The following PSG7 variants were observed in gnomAD, a reference collection of about 807,000 sequenced individuals.
PSG7 encodes the protein pregnancy-specific beta-1-glycoprotein 7.
Under a neutral mutation model 45.6 loss-of-function variants are expected in PSG7, and 57 were observed. The observed-to-expected ratio is 1.25, with a 90% CI of 1.01 to 1.56. The LOEUF (loss-of-function observed/expected upper bound fraction) is 1.56. PSG7 is among the 40% of genes most tolerant of loss of function. The pLI is 0.00. For synonymous variants in PSG7, 298 were observed against 194.4 expected, an observed-to-expected ratio of 1.53 and a Z score of -4.43; for missense variants, 796 against 508.4, an observed-to-expected ratio of 1.57 and a Z score of -5.44.
chr19:42,926,222 C>A (rs1323610737), intron 4 of PSG7, 195 bp from the exon 5 acceptor site: 8 of 1,388,498 alleles, frequency 5.8e-6, no homozygotes, highest in Non-Finnish European at 7.7e-6. Flanking sequence ...CCCCAAGTCT[C>A]CCATGACAAG....
chr19:42,924,450 A>G lies in PSG7; in HGVS notation c.*358T>C. The stretch of plus-strand genomic sequence containing the variant: ...TGTTACCCTCAGAAGCTCCTATACT[A>G]CATGTGAAATTCTAATGACTGCATT... On this transcript the variant is annotated 3_prime_UTR_variant, in exon 6 of 6. Coordinates refer to ENST00000406070, the MANE Select transcript of PSG7 (RefSeq NM_002783.3). The G allele has an allele frequency of 1.9e-6, 1 of 532,726 alleles. No individual in the cohort carries two copies. Among genetic ancestry groups the G allele is most frequent in the Non-Finnish European group, 3.3e-6 (1 of 304,530 alleles). 33.0% of individuals were successfully genotyped at this position (532,726 alleles called of 1,614,324 possible). A position where few individuals can be genotyped will look rare whatever the true frequency, so the allele number is the denominator to read the frequency against.
rs1275385956 is a variant in PSG7 at position 42,926,789 on chromosome 19, G to T, written c.710-73C>A. ...CCTCCACAGGCATCCTTCAATTAGA[G>T]TTGGCATCTCCCACCTGTCAACACG... On this transcript the variant is annotated intron_variant, in intron 3 of 5. Coordinates refer to ENST00000406070, the MANE Select transcript of PSG7 (RefSeq NM_002783.3). 14 of 1,582,414 alleles carry T rather than the reference G, an allele frequency of 8.8e-6. No homozygotes were observed. The South Asian group carries it at 1.3e-4, about 14-fold the overall frequency.
intron 1 of PSG7, among the ~76,000 whole-genome samples, 184 bp downstream of exon 1, chr19:42,936,829 A>G (rs911255094): frequency 2.0e-5 from 3 of 151,268 alleles, no homozygotes; most frequent in Admixed American, 6.6e-5. Context: ...TTGTATTTTT[A>G]GTACAGACAG....
At position 42,935,766 on chromosome 19, in the gene PSG7, G is replaced by A. The variant is rs782269245; in HGVS notation, c.68C>T (p.Ser23Leu). 2 of 1,608,624 alleles carry A rather than the reference G, an allele frequency of 1.2e-6. No individual in the cohort carries two copies. The highest frequency in any genetic ancestry group is 1.3e-5 in the African/African-American group (1 of 74,230). Residue 23 changes from serine to leucine, a missense_variant, in exon 2 of 6, where the codon TCA (serine) becomes TTA (leucine). Physicochemically the swap from Ser to Leu is moderately radical, Grantham distance 145 (BLOSUM62 -2). Transcript: ENST00000406070. ...GGGCGGGTTCCAGAAGTTTAAAAGT[G>A]ATGCTAGGAGGTGGAGAGAGCATCA... Reference protein sequence around the residue: ...ITWKGLLLTASLLNFWNPPTT... With the variant: ...ITWKGLLLTALLLNFWNPPTT...
Position 42,925,992 on chromosome 19 carries a change from T to C in PSG7, c.1024A>G (p.Thr342Ala). ...AGGTTTTGTCCTGAATGGTAATAGG[T>C]GAATGAAGGGTAAATTCTGGGGAGG... ...PDLPRIYPSFTYYHSGQNLYL... is the reference protein window; with the variant it reads ...PDLPRIYPSFAYYHSGQNLYL... The change falls in exon 5 of 6, where the codon ACC becomes GCC. Residue 342 changes from threonine (T) to alanine (A), a missense_variant. Transcript: ENST00000406070. 6.2e-7 allele frequency: 1 copy of C among 1,611,882 alleles called. No individual in the cohort carries two copies. The highest frequency in any genetic ancestry group is 1.1e-5 in the South Asian group (1 of 90,610).
chr19:42,925,391 G>T, intron 5 of PSG7: 1 of 432,730 alleles, frequency 2.3e-6, no homozygotes. Flanking sequence ...ATCATTCCCA[G>T]AAGTATAGTT....
chr19:42,933,339 C>T (rs1973074886), intron 2 of PSG7, among the ~76,000 whole-genome samples: 1 of 83,124 alleles, frequency 1.2e-5, no homozygotes, highest in Admixed American at 1.7e-4. Flanking sequence ...TGTATGTGTG[C>T]AGGAGGCCAG....
In PSG7 at chr19:42,934,460, T is replaced by C. The variant is rs115658055; in HGVS notation, c.430+944A>G. Among the ~76,000 whole-genome samples the C allele has an allele frequency of 9.2e-3, 1,399 of 151,700 alleles. 59 individuals are homozygous for C. Among genetic ancestry groups the C allele is most frequent in the African/African-American group, 0.032 (1,337 of 41,310 alleles). On this transcript the variant is annotated intron_variant, in intron 2 of 5. Coordinates refer to ENST00000406070, the MANE Select transcript of PSG7 (RefSeq NM_002783.3). The stretch of plus-strand genomic sequence containing the variant: ...TCTCCCCTTTGTGTTTGTGTGACTC[T>C]GGCTCAGTGACTGTGCTTTCCTGTG...
chr19:42,931,384 A>C (rs1293505693), intron 2 of PSG7, among the ~76,000 whole-genome samples: 2 of 151,566 alleles, frequency 1.3e-5, no homozygotes, highest in Non-Finnish European at 1.5e-5. Context: ...GAGTCCCGTT[A>C]AAAGGACAGA....
intron 1 of PSG7, 102 bp from the exon 2 acceptor site, chr19:42,935,871 A>AAGAC (rs766820029): frequency 2.5e-5 from 25 of 999,650 alleles, no homozygotes; most frequent in Non-Finnish European, 3.3e-5. Flanking sequence ...CTCAGCCTTG[A>AAGAC]AGACACACAC....
chr19:42,927,321 GGT>G (rs1410894734), intron 3 of PSG7: 2 of 157,910 alleles, frequency 1.3e-5, no homozygotes, highest in African/African-American at 2.4e-5. Flanking sequence ...GTTTTTTGCA[GGT>G]GTTTCATGAT....
intron 4 of PSG7, 69 bp from the exon 5 acceptor site, chr19:42,926,096 G>A: frequency 6.3e-7 from 1 of 1,576,000 alleles, no homozygotes; most frequent in Non-Finnish European, 8.6e-7. Context: ...GTCTCTTAAA[G>A]GGACAGAGTG....
chr19:42,928,098 C>G (rs1043658449), intron 3 of PSG7, among the ~76,000 whole-genome samples: 4 of 151,506 alleles, frequency 2.6e-5, no homozygotes, highest in African/African-American at 7.3e-5. Context: ...CACCACGTTT[C>G]TAGCTTGGTG....
intron 4 of PSG7, 21 bp downstream of exon 4, chr19:42,926,417 A>C: frequency 6.2e-7 from 1 of 1,610,146 alleles, no homozygotes; most frequent in Non-Finnish European, 8.5e-7. Context: ...AGAGGAAGAA[A>C]GGATACTCAA....
intron 1 of PSG7, chr19:42,936,037 G>A (rs1020913842): frequency 3.3e-6 from 2 of 613,358 alleles, no homozygotes; most frequent in African/African-American, 3.7e-5. Context: ...GCATTTTTCT[G>A]TTTGGAATCC....
chr19:42,933,307 A>ATATATATATATATATATATTT (rs56691588), intron 2 of PSG7, among the ~76,000 whole-genome samples: 3 of 13,504 alleles, frequency 2.2e-4, no homozygotes, highest in Non-Finnish European at 4.8e-4. Context: ...ATATATATAT[A>ATATATATATATATATATATTT]TTTTTTTTTT....
intron 2 of PSG7, among the ~76,000 whole-genome samples, chr19:42,931,170 A>C (rs923666500): frequency 4.6e-5 from 7 of 151,656 alleles, no homozygotes; most frequent in African/African-American, 1.7e-4. Context: ...TAATAACAAA[A>C]GAAAAATTTG....
intron 2 of PSG7, among the ~76,000 whole-genome samples, chr19:42,933,821 G>T (rs370383773): frequency 3.3e-5 from 5 of 151,136 alleles, no homozygotes; most frequent in African/African-American, 9.7e-5. Flanking sequence ...CAGGACCAAG[G>T]AGCCCTGAGA....
intron 3 of PSG7, among the ~76,000 whole-genome samples, chr19:42,928,135 G>A (rs1481911877): frequency 2.6e-5 from 4 of 151,412 alleles, no homozygotes; most frequent in Non-Finnish European, 5.9e-5. Flanking sequence ...TTCCATACTG[G>A]CCATGCTGCA....
Sources: allele counts gnomAD v4.1 joint callset (sites outside exome capture counted in the v4.1 genomes callset), GRCh38; gene constraint gnomAD v4.1.1; transcripts MANE v1.5; gene names NCBI Gene and HGNC (gene_info 2026-07-23, HGNC 2026-07-21).